Variants in CRTC3 observed in about 807,000 individuals in gnomAD.
CRTC3 encodes the protein CREB regulated transcription coactivator 3.
CRTC3 carries 26 observed loss-of-function variants against 74.5 expected under a neutral mutation model. The ratio of observed to expected loss-of-function variants is 0.35; its 90% CI spans 0.26 to 0.48. CRTC3 has a LOEUF of 0.48. CRTC3 is among the 20% of genes least tolerant of loss of function. The pLI is 0.99. For synonymous variants in CRTC3, 377 were observed against 325.8 expected, an observed-to-expected ratio of 1.16 and a Z score of -1.69; for missense variants, 760 against 787.3, an observed-to-expected ratio of 0.97 and a Z score of 0.41.
intron 2 of CRTC3, among the ~76,000 whole-genome samples, chr15:90,591,637 C>G (rs749437840): frequency 6.6e-6 from 1 of 152,064 alleles, no homozygotes; most frequent in Non-Finnish European, 1.5e-5. Context: ...GCCAAAATGG[C>G]GAGACCTTGT....
rs141617216 is a variant in CRTC3 at position 90,619,881 on chromosome 15, C to T, written c.749+91C>T. On this transcript the variant is annotated intron_variant, in intron 9 of 14. Transcript: ENST00000268184. ...TGCTTTGTTACAGAACTCTCAGAAA[C>T]GTAACTTGCTATGCATAAATTGAAA... 782 of 1,079,178 alleles carry T rather than the reference C, an allele frequency of 7.2e-4. 2 individuals are homozygous for T. In the African/African-American group the frequency reaches 8.5e-3, roughly 12 times the overall value. 66.9% of individuals were successfully genotyped at this position (1,079,178 alleles called of 1,614,324 possible). A position where few individuals can be genotyped will look rare whatever the true frequency, so the allele number is the denominator to read the frequency against.
intron 3 of CRTC3, chr15:90,599,393 A>T (rs904035933): frequency 6.6e-6 from 1 of 152,204 alleles, no homozygotes; most frequent in Non-Finnish European, 1.5e-5. Context: ...TGGTAAATTC[A>T]AGTTTATAAA....
At chr15:90,583,478 A>G (rs1321374321) in intron 2 of CRTC3, among the ~76,000 whole-genome samples, 1 of 152,088 alleles carries the variant, frequency 6.6e-6, no homozygotes, top group Non-Finnish European at 1.5e-5. Flanking sequence ...GGTCCTTTGG[A>G]GAAGATTGGA....
At chr15:90,631,826 C>G (rs1000521440) in intron 11 of CRTC3, among the ~76,000 whole-genome samples, 2 of 152,104 alleles carry the variant, frequency 1.3e-5, no homozygotes, top group South Asian at 4.1e-4. Context: ...AAGTGATCCT[C>G]GCACCTCAGC....
At position 90,550,448 on chromosome 15, in the gene CRTC3, G is replaced by GTTTTT. The variant is rs34296183; in HGVS notation, c.231+10320_231+10324dup. Among the ~76,000 whole-genome samples, 15 of 142,752 alleles carry GTTTTT rather than the reference G, an allele frequency of 1.1e-4. 2 individuals are homozygous for GTTTTT. Among genetic ancestry groups the GTTTTT allele is most frequent in the East Asian group, 6.2e-4 (3 of 4,836 alleles). 93.7% of individuals were successfully genotyped at this position (142,752 alleles called of 152,430 possible). On this transcript the variant is annotated intron_variant, in intron 2 of 14. Transcript: ENST00000268184. ...TCATTTCCCTTATTTTCCTTTGCCT[G>GTTTTT]TTTTTTTTTTTTTGAGTCTATAAAA...
At chr15:90,639,276 C>T (rs944389837) in intron 13 of CRTC3, among the ~76,000 whole-genome samples, 16 of 152,086 alleles carry the variant, frequency 1.1e-4, no homozygotes, top group East Asian at 9.7e-4. Context: ...GAGGGGAGTG[C>T]GTTCCGTAAG....
intron 2 of CRTC3, among the ~76,000 whole-genome samples, chr15:90,559,723 C>T (rs745540868): frequency 5.4e-4 from 82 of 152,336 alleles, no homozygotes; most frequent in South Asian, 1.9e-3. Context: ...TTCCCGGGCT[C>T]AAGTGATCCT....
At chr15:90,622,906 C>T (rs1968702550) in intron 9 of CRTC3, among the ~76,000 whole-genome samples, 1 of 152,116 alleles carries the variant, frequency 6.6e-6, no homozygotes, top group South Asian at 2.1e-4. Context: ...TTTCTACAAC[C>T]AAAATGAGCC....
chr15:90,557,518 C>T (rs1194273819), intron 2 of CRTC3, among the ~76,000 whole-genome samples: 1 of 152,182 alleles, frequency 6.6e-6, no homozygotes, highest in African/African-American at 2.4e-5. Flanking sequence ...CAAATGGTGC[C>T]CCTCTTTGAG....
intron 2 of CRTC3, among the ~76,000 whole-genome samples, chr15:90,565,697 T>C (rs1032632696): frequency 2.6e-5 from 4 of 152,224 alleles, no homozygotes; most frequent in Non-Finnish European, 5.9e-5. Flanking sequence ...ATATCTGTTA[T>C]GGTGATCTGT....
At chr15:90,588,827 A>G (rs888477120) in intron 2 of CRTC3, among the ~76,000 whole-genome samples, 4 of 152,164 alleles carry the variant, frequency 2.6e-5, no homozygotes, top group Non-Finnish European at 5.9e-5. Context: ...CACCATGCAG[A>G]CACTCATCCT....
chr15:90,533,978 C>T (rs924949127), intron 1 of CRTC3, among the ~76,000 whole-genome samples: 5 of 151,988 alleles, frequency 3.3e-5, no homozygotes, highest in African/African-American at 2.4e-5. Flanking sequence ...TCATAGGGAT[C>T]AGGTTGTAGA....
chr15:90,582,801 G>T (rs542281332), intron 2 of CRTC3, among the ~76,000 whole-genome samples: 1 of 152,274 alleles, frequency 6.6e-6, no homozygotes, highest in Admixed American at 6.5e-5. Context: ...CCACTGTGTG[G>T]CTGACGCTGT....
intron 6 of CRTC3, among the ~76,000 whole-genome samples, chr15:90,613,491 C>T (rs149507028): frequency 2.2e-4 from 33 of 152,236 alleles, no homozygotes; most frequent in African/African-American, 7.5e-4. Flanking sequence ...AATGTGCTAC[C>T]GTGTTACCCT....
At chr15:90,556,369 CT>C (rs1400115349) in intron 2 of CRTC3, among the ~76,000 whole-genome samples, 2 of 152,134 alleles carry the variant, frequency 1.3e-5, no homozygotes, top group African/African-American at 4.8e-5. Context: ...GGTTTCATTA[CT>C]TTTTGGCAAT....
At chr15:90,547,926 G>A (rs2151060006) in intron 2 of CRTC3, among the ~76,000 whole-genome samples, 1 of 141,976 alleles carries the variant, frequency 7.0e-6, no homozygotes, top group African/African-American at 2.7e-5. Context: ...AGGTCTCAAG[G>A]TCACCCAGCT....
chr15:90,536,406 G>A (rs1769185849), intron 1 of CRTC3, among the ~76,000 whole-genome samples: 1 of 151,172 alleles, frequency 6.6e-6, no homozygotes, highest in Admixed American at 6.6e-5. Context: ...GCGTGGTGGC[G>A]CGTGCCTGTA....
intron 2 of CRTC3, among the ~76,000 whole-genome samples, chr15:90,557,276 C>A (rs1048190097): frequency 4.6e-5 from 7 of 152,138 alleles, no homozygotes; most frequent in Non-Finnish European, 8.8e-5. Context: ...ACTGCCAGCA[C>A]CCCCTCACAG....
intron 11 of CRTC3, among the ~76,000 whole-genome samples, chr15:90,630,661 A>G (rs959544232): frequency 2.0e-5 from 3 of 152,090 alleles, no homozygotes; most frequent in Non-Finnish European, 2.9e-5. Flanking sequence ...GAAACATCCT[A>G]TAAATTCTAA....
Sources: allele counts gnomAD v4.1 joint callset (sites outside exome capture counted in the v4.1 genomes callset), GRCh38; gene constraint gnomAD v4.1.1; transcripts MANE v1.5; gene names NCBI Gene and HGNC (gene_info 2026-07-23, HGNC 2026-07-21).